CCDC178: variants seen among roughly 807,000 people sequenced by gnomAD.
CCDC178 encodes the protein coiled-coil domain containing 178, also known as coiled-coil domain-containing protein 178.
Under a neutral mutation model 117.4 loss-of-function variants are expected in CCDC178, and 126 were observed. The ratio of observed to expected loss-of-function variants is 1.07; its 90% CI spans 0.93 to 1.24. The LOEUF is 1.24. Among genes scored for constraint, CCDC178 ranks in the 50% most tolerant of loss-of-function variants. The pLI, the probability that CCDC178 is intolerant of heterozygous loss-of-function variation, is 0.00. For synonymous variants in CCDC178, 283 were observed against 313.4 expected (o/e 0.90, Z 1.02); for missense variants, 1,030 against 986.9 (o/e 1.04, Z -0.59).
chr18:32,951,938 C>A (rs1424072441), intron 22 of CCDC178, among the ~76,000 whole-genome samples: 1 of 152,224 alleles, frequency 6.6e-6, no homozygotes, highest in Non-Finnish European at 1.5e-5. Flanking sequence ...ATAGGGCAGT[C>A]ATTAAACCTT....
intron 15 of CCDC178, among the ~76,000 whole-genome samples, chr18:33,232,008 T>C (rs1436176468): frequency 1.3e-5 from 2 of 152,130 alleles, no homozygotes; most frequent in Non-Finnish European, 2.9e-5. Context: ...AGATAGTAAA[T>C]ATTTTAAGCT....
chr18:33,029,464 T>C (rs1057248128), intron 21 of CCDC178, among the ~76,000 whole-genome samples: 10 of 151,994 alleles, frequency 6.6e-5, no homozygotes, highest in African/African-American at 2.4e-4. Context: ...AGTTTTTTGA[T>C]TTCACTGTTT....
intron 20 of CCDC178, among the ~76,000 whole-genome samples, chr18:33,149,929 C>T (rs1223527476): frequency 1.3e-5 from 2 of 152,028 alleles, no homozygotes; most frequent in African/African-American, 2.4e-5. Flanking sequence ...GCCTACATAG[C>T]CAAAGCAAAA....
chr18:33,115,078 CCT>C (rs1297504644), intron 20 of CCDC178, among the ~76,000 whole-genome samples: 1 of 151,962 alleles, frequency 6.6e-6, no homozygotes. Flanking sequence ...CCAGCATTTC[CCT>C]CTCTAAAACA....
intron 11 of CCDC178, among the ~76,000 whole-genome samples, chr18:33,295,964 C>G (rs2062101844): frequency 6.6e-6 from 1 of 152,084 alleles, no homozygotes; most frequent in Admixed American, 6.6e-5. Flanking sequence ...AACTTATGTT[C>G]ACACAAAAAC....
chr18:33,193,023 G>A (rs2058880296), intron 20 of CCDC178, among the ~76,000 whole-genome samples: 1 of 151,586 alleles, frequency 6.6e-6, no homozygotes, highest in Non-Finnish European at 1.5e-5. Flanking sequence ...ACTTTGGGAG[G>A]CCGAGGCAGG....
At chr18:33,289,442 C>T (rs547554190) in intron 12 of CCDC178, among the ~76,000 whole-genome samples, 8 of 151,872 alleles carry the variant, frequency 5.3e-5, no homozygotes, top group African/African-American at 1.9e-4. Flanking sequence ...GGTGAAACTC[C>T]ATCTCTACTA....
chr18:32,998,837 G>A (rs1437437579), intron 21 of CCDC178, among the ~76,000 whole-genome samples: 1 of 152,096 alleles, frequency 6.6e-6, no homozygotes, highest in Non-Finnish European at 1.5e-5. Flanking sequence ...TACCCAGGCA[G>A]TGTTGGTGAG....
At chr18:33,090,246 T>A (rs1373342912) in intron 21 of CCDC178, among the ~76,000 whole-genome samples, 1 of 152,182 alleles carries the variant, frequency 6.6e-6, no homozygotes, top group African/African-American at 2.4e-5. Context: ...CAAAGAAGTA[T>A]GAAAATGTAT....
At chr18:33,413,091 A>G (rs1485671940) in intron 2 of CCDC178, among the ~76,000 whole-genome samples, 1 of 152,244 alleles carries the variant, frequency 6.6e-6, no homozygotes, top group East Asian at 1.9e-4. Context: ...AAACACAGAA[A>G]TAACAATTGT....
intron 21 of CCDC178, among the ~76,000 whole-genome samples, chr18:33,069,595 C>G (rs2057074902): frequency 6.6e-6 from 1 of 152,000 alleles, no homozygotes; most frequent in African/African-American, 2.4e-5. Flanking sequence ...AGGAGAAAAC[C>G]TTGAGGACAT....
chr18:33,002,833 G>GA (rs1481009339), intron 21 of CCDC178, among the ~76,000 whole-genome samples: 1 of 151,966 alleles, frequency 6.6e-6, no homozygotes, highest in Admixed American at 6.6e-5. Flanking sequence ...AATCAGAAAT[G>GA]AAAAAGGAGA....
chr18:33,066,922 C>T (rs1234785061), intron 21 of CCDC178, among the ~76,000 whole-genome samples: 2 of 152,114 alleles, frequency 1.3e-5, no homozygotes, highest in Non-Finnish European at 2.9e-5. Context: ...TTCAACACCC[C>T]ACTCTTAATA....
intron 20 of CCDC178, among the ~76,000 whole-genome samples, chr18:33,125,059 T>G (rs1446032944): frequency 6.6e-6 from 1 of 152,150 alleles, no homozygotes; most frequent in African/African-American, 2.4e-5. Flanking sequence ...GGAGATTTTT[T>G]TTTTCCTGTT....
intron 21 of CCDC178, among the ~76,000 whole-genome samples, chr18:33,045,843 G>A (rs1934533152): frequency 6.6e-6 from 1 of 152,146 alleles, no homozygotes; most frequent in African/African-American, 2.4e-5. Flanking sequence ...AAGGCGGGCA[G>A]ATCACTTGAG....
Position 33,158,694 on chromosome 18 carries a change from G to T in CCDC178, c.2238+53202C>A, listed in dbSNP as rs190160490. Among the ~76,000 whole-genome samples the T allele has an allele frequency of 5.9e-3, 893 of 152,074 alleles. 5 individuals are homozygous for T. The highest frequency in any genetic ancestry group is 0.02 in the African/African-American group (819 of 41,530). On this transcript the variant is annotated intron_variant, in intron 20 of 22. Transcript: ENST00000383096. ...TTCTTTATTTCAAAGACAATGATTT[G>T]TTTAAGGTTAAATATTTAGTGAAAG...
intron 20 of CCDC178, among the ~76,000 whole-genome samples, chr18:33,150,041 C>A (rs1282575277): frequency 2.0e-5 from 3 of 152,070 alleles, no homozygotes; most frequent in Non-Finnish European, 4.4e-5. Flanking sequence ...TAAAAATAGG[C>A]ATGTAGATCA....
At chr18:33,408,200 G>A (rs2063806634) in intron 3 of CCDC178, among the ~76,000 whole-genome samples, 3 of 151,642 alleles carry the variant, frequency 2.0e-5, no homozygotes, top group Admixed American at 2.0e-4. Flanking sequence ...ATTCACAACA[G>A]GTTCACAATT....
intron 8 of CCDC178, among the ~76,000 whole-genome samples, chr18:33,348,026 A>T (rs1321938418): frequency 6.6e-6 from 1 of 152,014 alleles, no homozygotes; most frequent in Non-Finnish European, 1.5e-5. Flanking sequence ...ACATAATTGT[A>T]GCTAATGGAA....
Sources: gnomAD v4.1 joint callset for allele counts (sites outside exome capture counted in the v4.1 genomes callset) on GRCh38, gnomAD v4.1.1 for gene constraint, MANE v1.5 for transcripts, NCBI Gene and HGNC (gene_info 2026-07-23, HGNC 2026-07-21) for gene names.